Variants in CDON observed in about 807,000 individuals in gnomAD.
CDON encodes cell adhesion molecule-related/down-regulated by oncogenes.
Under a neutral mutation model 120.9 loss-of-function variants are expected in CDON, and 73 were observed. The observed-to-expected ratio is 0.60, with a 90% CI of 0.50 to 0.73. CDON has a LOEUF of 0.73. Among genes scored for constraint, CDON ranks in the 30% least tolerant of loss-of-function variants. CDON has a pLI of 0.00. For missense variants in CDON, 1,470 were observed against 1,587.3 expected, an observed-to-expected ratio of 0.93 and a Z score of 1.26; for synonymous variants, 566 against 573.5, an observed-to-expected ratio of 0.99 and a Z score of 0.19.
At chr11:126,055,797 C>G (rs1268537770) in intron 1 of CDON, among the ~76,000 whole-genome samples, 2 of 151,952 alleles carry the variant, frequency 1.3e-5, no homozygotes, top group Non-Finnish European at 2.9e-5. Flanking sequence ...TTTCTGATAC[C>G]AATACACTTA....
intron 18 of CDON, among the ~76,000 whole-genome samples, chr11:125,970,060 G>T (rs1269028964): frequency 2.0e-5 from 3 of 151,626 alleles, no homozygotes; most frequent in Non-Finnish European, 4.4e-5. Context: ...TTCCTCTTTT[G>T]ATTATGCCTA....
At chr11:126,019,404 G>A (rs1387061573) in intron 4 of CDON, among the ~76,000 whole-genome samples, 1 of 152,144 alleles carries the variant, frequency 6.6e-6, no homozygotes, top group Non-Finnish European at 1.5e-5. Flanking sequence ...CTTTTCCAAG[G>A]AAGTGAAATC....
At chr11:125,994,424 A>G (rs372594698) in intron 13 of CDON, 35 bp from the exon 14 acceptor site, 35 of 1,127,768 alleles carry the variant, frequency 3.1e-5, no homozygotes, top group Middle Eastern at 1.9e-4. Context: ...TCAAAGAGAA[A>G]AATTAATGTA....
chr11:125,961,355 C>G (rs762503410), intron 19 of CDON, among the ~76,000 whole-genome samples: 95 of 152,242 alleles, frequency 6.2e-4, no homozygotes, highest in Non-Finnish European at 1.3e-3. Context: ...CTAAAATAAC[C>G]ACCTGAAAGA....
At chr11:125,962,140 A>G (rs1945664066) in intron 18 of CDON, 142 bp from the exon 19 acceptor site, 10 of 720,330 alleles carry the variant, frequency 1.4e-5, no homozygotes, top group South Asian at 1.1e-4. Flanking sequence ...TAAATGATTC[A>G]CTATGATTTG....
intron 15 of CDON, 57 bp downstream of exon 15, chr11:125,989,580 C>A: frequency 6.6e-7 from 1 of 1,524,434 alleles, no homozygotes; most frequent in South Asian, 1.1e-5. Flanking sequence ...TAGTCAGAAG[C>A]AGTAATCCAG....
At chr11:126,007,906 A>T (rs558480218) in intron 8 of CDON, among the ~76,000 whole-genome samples, 7 of 152,344 alleles carry the variant, frequency 4.6e-5, no homozygotes, top group African/African-American at 1.7e-4. Context: ...GAACTCTATG[A>T]AATGGGTAGA....
chr11:125,961,643 T>G (rs1945646908), intron 19 of CDON, 81 bp downstream of exon 19: 6 of 1,590,516 alleles, frequency 3.8e-6, no homozygotes, highest in Non-Finnish European at 4.3e-6. Flanking sequence ...GGGGAAACTC[T>G]GAAAGCATCA....
chr11:125,984,110 G>C lies in CDON; in HGVS notation c.2774-17C>G, dbSNP rs756396020. 6.7e-5 allele frequency: 103 copies of C among 1,539,808 alleles called. No homozygotes were observed. Among genetic ancestry groups the C allele is most frequent in the Non-Finnish European group, 9.2e-5 (102 of 1,112,456 alleles). ...CACGTTTCACTAGTTGAAATATAAA[G>C]GAAAACATGATGTCAGAGTGAATAC... On this transcript the variant is annotated splice_polypyrimidine_tract_variant and intron_variant, in intron 15 of 19. Transcript: ENST00000531738.
chr11:126,008,727 C>G (rs1208229985), intron 8 of CDON, among the ~76,000 whole-genome samples: 2 of 152,204 alleles, frequency 1.3e-5, no homozygotes, highest in East Asian at 3.8e-4. Context: ...AGCAGAGCCA[C>G]TCTTATTTTT....
At position 126,005,769 on chromosome 11, in the gene CDON, T is replaced by C; in HGVS notation, c.1841A>G (p.Lys614Arg). The change falls in exon 9 of 20, where the codon AAG becomes AGG. Residue 614 changes from lysine (K) to arginine (R), a missense_variant. Lys to Arg is a conservative substitution (Grantham distance 26). Coordinates refer to ENST00000531738, the MANE Select transcript of CDON (RefSeq NM_001378964.1). The part of the protein sequence containing the change: ...GGLPINAYFV[K>R]YRKLDDGVGM... Reference sequence around the variant, plus strand: ...ACGACAAGACATTACCTTTCGATACTTCACAAAGTAAGCATTGATGGGCAG... The same window carrying C: ...ACGACAAGACATTACCTTTCGATACCTCACAAAGTAAGCATTGATGGGCAG... 4 of 1,613,546 alleles carry C rather than the reference T, an allele frequency of 2.5e-6. No individual in the cohort carries two copies. The highest frequency in any genetic ancestry group is 1.1e-5 in the South Asian group (1 of 91,062).
At chr11:126,050,409 T>C (rs1487639919) in intron 1 of CDON, among the ~76,000 whole-genome samples, 1 of 151,988 alleles carries the variant, frequency 6.6e-6, no homozygotes, top group East Asian at 1.9e-4. Flanking sequence ...AAAACTTTTA[T>C]ATGATATCAA....
chr11:126,001,046 A>G (rs1360791783), intron 11 of CDON, among the ~76,000 whole-genome samples: 1 of 152,222 alleles, frequency 6.6e-6, no homozygotes, highest in Non-Finnish European at 1.5e-5. Context: ...AAAAATAAAA[A>G]GTAACATGTA....
intron 3 of CDON, 46 bp from the exon 4 acceptor site, chr11:126,019,811 A>G (rs766989274): frequency 6.5e-7 from 1 of 1,550,252 alleles, no homozygotes; most frequent in Non-Finnish European, 8.9e-7. Flanking sequence ...GCAAATTTGA[A>G]TTCTTTTTCC....
chr11:126,011,312 T>C lies in CDON; in HGVS notation c.1199-618A>G, dbSNP rs565359033. Among the ~76,000 whole-genome samples the C allele has an allele frequency of 5.1e-4, 77 of 152,214 alleles. 1 individual carries two copies. The highest frequency in any genetic ancestry group is 1.0e-3 in the Non-Finnish European group (68 of 68,040). On this transcript the variant is annotated intron_variant, in intron 7 of 19. Transcript: ENST00000531738. ...TTTGAAGAGAGCTTACAATGGAATATTGATCAAAGTAAATGACATTTTCTC... is the reference window on the plus strand; with the variant it reads ...TTTGAAGAGAGCTTACAATGGAATACTGATCAAAGTAAATGACATTTTCTC...
At chr11:126,008,658 A>G (rs1301497784) in intron 8 of CDON, among the ~76,000 whole-genome samples, 1 of 152,186 alleles carries the variant, frequency 6.6e-6, no homozygotes, top group African/African-American at 2.4e-5. Flanking sequence ...TAATCGCTTC[A>G]GCTAAATTCT....
Position 126,053,500 on chromosome 11 carries a change from C to A in CDON, c.-62+9079G>T, listed in dbSNP as rs114867936. Reference sequence around the variant, plus strand: ...GAAGGAGGAAACACTAAATCAAATCCAACCGCTCTGATCGGTCATCTGATA... The same window carrying A: ...GAAGGAGGAAACACTAAATCAAATCAAACCGCTCTGATCGGTCATCTGATA... On this transcript the variant is annotated intron_variant, in intron 1 of 19. Transcript: ENST00000531738. Among the ~76,000 whole-genome samples the A allele has an allele frequency of 5.7e-3, 872 of 152,256 alleles. 11 individuals carry two copies. Among genetic ancestry groups the A allele is most frequent in the African/African-American group, 0.02 (810 of 41,522 alleles).
At chr11:126,039,574 C>T (rs1329194031) in intron 1 of CDON, among the ~76,000 whole-genome samples, 1 of 152,170 alleles carries the variant, frequency 6.6e-6, no homozygotes, top group African/African-American at 2.4e-5. Context: ...AGAGACTTAA[C>T]ATTTTCACTG....
At chr11:125,983,791 G>T in intron 16 of CDON, 81 bp downstream of exon 16, 1 of 1,007,368 alleles carries the variant, frequency 9.9e-7, no homozygotes. Flanking sequence ...ATACAACAGT[G>T]TTAGAAATCA....
Sources: gnomAD v4.1 joint callset for allele counts (sites outside exome capture counted in the v4.1 genomes callset) on GRCh38, gnomAD v4.1.1 for gene constraint, MANE v1.5 for transcripts, NCBI Gene and HGNC (gene_info 2026-07-23, HGNC 2026-07-21) for gene names.